The following EPB41L5 variants were observed in gnomAD, a reference collection of about 807,000 sequenced individuals.
EPB41L5 encodes erythrocyte membrane protein band 4.1 like 5.
In EPB41L5, 55 loss-of-function variants were observed where a neutral mutation model predicts 106.6. The observed-to-expected ratio is 0.52, with a 90% CI of 0.42 to 0.65. The LOEUF is 0.65. EPB41L5 is among the 30% of genes least tolerant of loss of function. The pLI is 0.00. For synonymous variants in EPB41L5, 297 were observed against 306.7 expected (o/e 0.97, Z 0.33); for missense variants, 871 against 882.1 (o/e 0.99, Z 0.16).
intron 22 of EPB41L5, 39 bp downstream of exon 22, chr2:120,164,949 CT>C (rs1306041287): frequency 6.8e-7 from 1 of 1,469,962 alleles, no homozygotes. Context: ...AAAGAAATTT[CT>C]GTTTTGAAAA....
intron 16 of EPB41L5, among the ~76,000 whole-genome samples, chr2:120,121,656 T>C (rs116375266): frequency 0.011 from 1,739 of 152,180 alleles, 20 homozygotes; most frequent in Middle Eastern, 0.031. Context: ...TGCCACAATA[T>C]ACATATGTCT....
intron 2 of EPB41L5, among the ~76,000 whole-genome samples, chr2:120,024,161 C>T (rs541592586): frequency 5.3e-5 from 8 of 152,144 alleles, no homozygotes; most frequent in East Asian, 3.9e-4. Context: ...CATCTGAATA[C>T]GCTTTATTTC....
chr2:120,098,156 T>TTTTGTGTGTGTGTGTGTGTGTGTG (rs1553506368), intron 14 of EPB41L5, among the ~76,000 whole-genome samples: 1 of 133,670 alleles, frequency 7.5e-6, no homozygotes, highest in Admixed American at 7.6e-5. Context: ...ATTGTTTGTT[T>TTTTGTGTGTGTGTGTGTGTGTGTG]TGTGTGTGTG....
chr2:120,073,169 G>A lies in EPB41L5; in HGVS notation c.286-9G>A. 1 of 1,599,372 alleles carries A rather than the reference G, an allele frequency of 6.3e-7. No homozygotes were observed. The highest frequency in any genetic ancestry group is 8.5e-7 in the Non-Finnish European group (1 of 1,176,698). ...TCTGCTTAACTAAATTTTTGTTTTTGTTTTTCAGCATTGGTTGGATGGTAC... is the reference window on the plus strand; with the variant it reads ...TCTGCTTAACTAAATTTTTGTTTTTATTTTTCAGCATTGGTTGGATGGTAC... On this transcript the variant is annotated splice_polypyrimidine_tract_variant and intron_variant, in intron 3 of 24. Transcript: ENST00000263713.
At position 120,094,389 on chromosome 2, in the gene EPB41L5, G is replaced by A. The variant is rs1683611517; in HGVS notation, c.1178+1113G>A. Among the ~76,000 whole-genome samples the A allele has an allele frequency of 2.0e-5, 3 of 150,238 alleles. No homozygotes were observed. In the South Asian group the frequency reaches 6.3e-4, roughly 31 times the overall value. ...TATCTAGTTTGTGGGGATACAGTTT[G>A]TATTCCCTTTTCCTTTGTATTTCTA... On this transcript the variant is annotated intron_variant, in intron 14 of 24. Transcript: ENST00000263713.
chr2:120,111,467 T>C (rs1256419623), intron 16 of EPB41L5, among the ~76,000 whole-genome samples: 1 of 152,288 alleles, frequency 6.6e-6, no homozygotes, highest in East Asian at 1.9e-4. Flanking sequence ...CAGCAATCTG[T>C]TTCACATGCC....
rs543725384 is a variant in EPB41L5 at position 120,073,078 on chromosome 2, G to T, written c.286-100G>T. The T allele has an allele frequency of 1.1e-5, 11 of 991,454 alleles. No individual in the cohort carries two copies. In the Middle Eastern group the frequency reaches 6.4e-4, roughly 58 times the overall value. 61.4% of individuals were successfully genotyped at this position (991,454 alleles called of 1,614,324 possible). The stretch of plus-strand genomic sequence containing the variant: ...TTTCTCTTGTGAAGTATTTCCTTGC[G>T]GTTATCAGTGTAGGCACAATGAAAA... On this transcript the variant is annotated intron_variant, in intron 3 of 24. Coordinates refer to ENST00000263713, the MANE Select transcript of EPB41L5 (RefSeq NM_020909.4).
chr2:120,142,764 C>T (rs896728422), intron 18 of EPB41L5, among the ~76,000 whole-genome samples: 1 of 152,032 alleles, frequency 6.6e-6, no homozygotes, highest in Admixed American at 6.6e-5. Flanking sequence ...CCAGATTTGC[C>T]CTTTGGGTTA....
At chr2:120,159,416 T>G (rs1282401691) in intron 20 of EPB41L5, among the ~76,000 whole-genome samples, 5 of 86,446 alleles carry the variant, frequency 5.8e-5, no homozygotes, top group African/African-American at 2.3e-4. Context: ...CTAGGGAGAC[T>G]CCATCTCAAA....
intron 1 of EPB41L5, among the ~76,000 whole-genome samples, chr2:120,014,797 A>T (rs1677398302): frequency 6.6e-6 from 1 of 152,046 alleles, no homozygotes; most frequent in East Asian, 1.9e-4. Context: ...AGGCTGACAG[A>T]TGGGTCAGGC....
chr2:120,121,913 A>G (rs1361178140), intron 16 of EPB41L5, among the ~76,000 whole-genome samples: 3 of 152,048 alleles, frequency 2.0e-5, no homozygotes, highest in Non-Finnish European at 4.4e-5. Flanking sequence ...TTTGATTTGC[A>G]TTTCTCTGAT....
rs763793036 is a variant in EPB41L5 at position 120,077,310 on chromosome 2, G to C, written c.708G>C (p.Val236=). Residue 236 remains valine (V), a synonymous_variant, in exon 9 of 25, where the codon GTG becomes GTC. Transcript: ENST00000263713. ...WLEMYGVDMH[V]VKARDGNDYS... is the part of the protein sequence containing the mutation. ...AAATGTATGGGGTTGATATGCATGTGGTCAAGGTAAGCATTGTGTTGTGAT... is the reference window on the plus strand; with the variant it reads ...AAATGTATGGGGTTGATATGCATGTCGTCAAGGTAAGCATTGTGTTGTGAT... The C allele has an allele frequency of 1.9e-6, 3 of 1,610,194 alleles. No individual in the cohort carries two copies. The highest frequency in any genetic ancestry group is 2.7e-5 in the African/African-American group (2 of 74,814).
intron 14 of EPB41L5, among the ~76,000 whole-genome samples, chr2:120,093,571 C>T (rs1446263951): frequency 1.3e-5 from 2 of 152,200 alleles, no homozygotes; most frequent in Admixed American, 6.5e-5. Context: ...GATCCTTATA[C>T]ATAAGAAGCA....
intron 10 of EPB41L5, among the ~76,000 whole-genome samples, chr2:120,080,825 T>A (rs1292727996): frequency 1.3e-5 from 2 of 152,246 alleles, no homozygotes; most frequent in Non-Finnish European, 2.9e-5. Flanking sequence ...TGTATCTCAT[T>A]GTGGTTTTGA....
chr2:120,104,743 G>A, intron 16 of EPB41L5: 2 of 912,788 alleles, frequency 2.2e-6, no homozygotes, highest in Non-Finnish European at 2.6e-6. Context: ...CTTAATTTAA[G>A]TGCCTAAGAT....
intron 18 of EPB41L5, among the ~76,000 whole-genome samples, chr2:120,139,308 A>G (rs1439154715): frequency 1.3e-5 from 2 of 152,084 alleles, no homozygotes; most frequent in East Asian, 3.8e-4. Flanking sequence ...TAGGCAACCA[A>G]AGCAAAAATA....
intron 2 of EPB41L5, among the ~76,000 whole-genome samples, chr2:120,040,841 GATA>G (rs1232605403): frequency 3.3e-5 from 5 of 152,138 alleles, no homozygotes; most frequent in African/African-American, 2.4e-5. Context: ...GACAAGTTGA[GATA>G]ATAAACTTGT....
At chr2:120,118,537 GTGT>G (rs2105442632) in intron 16 of EPB41L5, among the ~76,000 whole-genome samples, 1 of 152,060 alleles carries the variant, frequency 6.6e-6, no homozygotes, top group South Asian at 2.1e-4. Flanking sequence ...GCCCCAGTGT[GTGT>G]TGTTCCCCCT....
At chr2:120,079,043 A>T (rs1172148713) in intron 10 of EPB41L5, among the ~76,000 whole-genome samples, 2 of 152,112 alleles carry the variant, frequency 1.3e-5, no homozygotes, top group Non-Finnish European at 2.9e-5. Context: ...TTACTTTTAC[A>T]TCAAGGATAG....
Sources: gnomAD v4.1 joint callset for allele counts (sites outside exome capture counted in the v4.1 genomes callset) on GRCh38, gnomAD v4.1.1 for gene constraint, MANE v1.5 for transcripts, NCBI Gene and HGNC (gene_info 2026-07-23, HGNC 2026-07-21) for gene names.